The following CDKN2A variants were observed in gnomAD, a reference collection of about 807,000 sequenced individuals.
CDKN2A encodes the protein cyclin-dependent kinase inhibitor 2A.
In CDKN2A, 3 loss-of-function variants were observed where a neutral mutation model predicts 11.1. The observed-to-expected ratio is 0.27, with a 90% CI of 0.12 to 0.70. CDKN2A has a LOEUF of 0.70. Among genes scored for constraint, CDKN2A ranks in the 30% least tolerant of loss-of-function variants. The pLI is 0.77. For missense variants in CDKN2A, 265 were observed against 233.6 expected, an observed-to-expected ratio of 1.13 and a Z score of -0.88; for synonymous variants, 122 against 108.1, an observed-to-expected ratio of 1.13 and a Z score of -0.80.
chr9:21,986,728 C>T (rs1175957867), intron 2 of CDKN2A, among the ~76,000 whole-genome samples: 1 of 151,982 alleles, frequency 6.6e-6, no homozygotes, highest in Non-Finnish European at 1.5e-5. Context: ...AATAACTTTA[C>T]CATGTGATTT....
At chr9:21,969,924 C>T (rs1819622180) in intron 2 of CDKN2A, 2 of 396,678 alleles carry the variant, frequency 5.0e-6, no homozygotes. Flanking sequence ...GCTAACTCTT[C>T]ACCCTGTCCT....
intron 2 of CDKN2A, among the ~76,000 whole-genome samples, chr9:21,969,027 T>G (rs1160683840): frequency 6.6e-6 from 1 of 152,222 alleles, no homozygotes; most frequent in East Asian, 1.9e-4. Context: ...ACTCTTTAGC[T>G]TCTCCTCCTA....
intron 1 of CDKN2A, among the ~76,000 whole-genome samples, chr9:21,973,894 CTCTTTCTT>C (rs950912631): frequency 6.6e-6 from 1 of 152,052 alleles, no homozygotes; most frequent in Non-Finnish European, 1.5e-5. Context: ...CTCTCTTTCT[CTCTTTCTT>C]TCTTTCGACA....
chr9:21,971,457 C>T, intron 1 of CDKN2A: 1 of 1,163,906 alleles, frequency 8.6e-7, no homozygotes, highest in Non-Finnish European at 1.2e-6. Context: ...CACTGTGAGG[C>T]ACGGGCAAAA....
At chr9:21,979,011 T>C (rs1439721207), upstream of CDKN2A, among the ~76,000 whole-genome samples, 1 of 152,158 alleles carries the variant, frequency 6.6e-6, no homozygotes, top group Non-Finnish European at 1.5e-5. Flanking sequence ...AAGCACAGAA[T>C]GATACAAGAA....
chr9:21,974,511 G>T lies in CDKN2A; in HGVS notation c.150+167C>A. On this transcript the variant is annotated intron_variant, in intron 1 of 2. Transcript: ENST00000304494. This position sits in a 1 kb window ranked among gnomAD's most constrained non-coding sequence, Gnocchi z 5.2. ...TTCCTTGGCTTCCCAAGCCCCCAGG[G>T]CGTCGCCAGGAGGAGGTCTGTGATT... 1 of 1,613,132 alleles carries T rather than the reference G, an allele frequency of 6.2e-7. No individual in the cohort carries two copies. The highest frequency in any genetic ancestry group is 8.5e-7 in the Non-Finnish European group (1 of 1,179,908).
At chr9:21,980,499 C>T (rs182584494) in intron 2 of CDKN2A, among the ~76,000 whole-genome samples, 327 of 152,122 alleles carry the variant, frequency 2.1e-3, no homozygotes, top group African/African-American at 7.5e-3. Context: ...CATAATAAAA[C>T]TAGTAGACAA....
At position 21,974,551 on chromosome 9, in the gene CDKN2A, A is replaced by C; in HGVS notation, c.150+127T>G. 6.2e-7 allele frequency: 1 copy of C among 1,613,400 alleles called. No individual in the cohort carries two copies. The highest frequency in any genetic ancestry group is 8.5e-7 in the Non-Finnish European group (1 of 1,179,980). ...GGTCTGTGATTACAAACCCCTTCTG[A>C]AAACTCCCCAGGAAGCCTCCCCTTT... is the stretch of plus-strand genomic sequence containing the variant. On this transcript the variant is annotated intron_variant, in intron 1 of 2. Transcript: ENST00000304494. The surrounding 1 kb of genome is among the most constrained non-coding windows in gnomAD (Gnocchi z 5.2).
chr9:21,981,085 TATAC>T lies in CDKN2A; in HGVS notation c.-3-9881_-3-9878del, dbSNP rs1193983553. Among the ~76,000 whole-genome samples, 2 of 73,560 alleles carry T rather than the reference TATAC, an allele frequency of 2.7e-5. 1 individual carries two copies. The highest frequency in any genetic ancestry group is 5.3e-5 in the Non-Finnish European group (2 of 37,974). The allele number at this position is 73,560 out of a possible 152,430, so 48.3% of individuals were successfully genotyped here. On this transcript the variant is annotated intron_variant, in intron 2 of 3. Coordinates refer to the CDKN2A transcript ENST00000494262. ...ATATATATATACGTGTATATATATA[TATAC>T]GTGTATATATATACGTGTATATATA...
At position 21,991,608 on chromosome 9, in the gene CDKN2A, A is replaced by G. The variant is rs1820431751; in HGVS notation, c.-4+2274T>C. 1 of 973,022 alleles carries G rather than the reference A, an allele frequency of 1.0e-6. No homozygotes were observed. The allele number at this position is 973,022 out of a possible 1,614,324, so 60.3% of individuals were successfully genotyped here. On this transcript the variant is annotated intron_variant, in intron 2 of 3. Coordinates refer to the CDKN2A transcript ENST00000494262. The surrounding 1 kb of genome is among the most constrained non-coding windows in gnomAD (Gnocchi z 5.2). ...ATCACTTTAGTAATAGGAGTTTTTC[A>G]TATGTTGGGAAAATGGTTTAGCTTA...
chr9:21,975,029 G>T, upstream of CDKN2A: 3 of 1,379,150 alleles, frequency 2.2e-6, no homozygotes, highest in Non-Finnish European at 2.8e-6. Flanking sequence ...GTGAGCGAGT[G>T]CTCGGAGGAG....
intron 2 of CDKN2A, among the ~76,000 whole-genome samples, chr9:21,990,537 A>G (rs1438664901): frequency 1.3e-5 from 2 of 151,436 alleles, no homozygotes; most frequent in Non-Finnish European, 2.9e-5. Context: ...TCAAAAGTGA[A>G]ACGAAGAAAA....
At chr9:21,992,096 TATAAAA>T (rs1820442958) in intron 2 of CDKN2A, 1 of 866,412 alleles carries the variant, frequency 1.2e-6, no homozygotes, top group African/African-American at 1.8e-5. Flanking sequence ...TTTCCAATCA[TATAAAA>T]ATAAAAAGTC....
chr9:21,974,320 G>A lies in CDKN2A; in HGVS notation c.150+358C>T. 8.7e-7 allele frequency: 1 copy of A among 1,148,054 alleles called. No homozygotes were observed. Among genetic ancestry groups the A allele is most frequent in the East Asian group, 3.2e-5 (1 of 30,932 alleles). 71.1% of individuals were successfully genotyped at this position (1,148,054 alleles called of 1,614,324 possible). On this transcript the variant is annotated intron_variant, in intron 1 of 2. Coordinates refer to ENST00000304494, the MANE Select transcript of CDKN2A (RefSeq NM_000077.5). The surrounding 1 kb of genome is among the most constrained non-coding windows in gnomAD (Gnocchi z 5.2). Reference sequence around the variant, plus strand: ...CAGGTATCTGTGAATTGGAGGCTAAGTAGTCCCAGCACATCTTACATTTCT... The same window carrying A: ...CAGGTATCTGTGAATTGGAGGCTAAATAGTCCCAGCACATCTTACATTTCT...
At chr9:21,987,513 G>A (rs570353551) in intron 2 of CDKN2A, among the ~76,000 whole-genome samples, 3 of 150,776 alleles carry the variant, frequency 2.0e-5, no homozygotes, top group Non-Finnish European at 2.9e-5. Flanking sequence ...AAAAGACAAC[G>A]TATCTTATAT....
In CDKN2A at chr9:21,991,713, G is replaced by A; in HGVS notation, c.-4+2169C>T. 1 of 983,014 alleles carries A rather than the reference G, an allele frequency of 1.0e-6. No homozygotes were observed. The highest frequency in any genetic ancestry group is 1.1e-4 in the East Asian group (1 of 8,788). The allele number at this position is 983,014 out of a possible 1,614,324, so 60.9% of individuals were successfully genotyped here. Reference sequence around the variant, plus strand: ...ACCATCATAGACGGTAATAGGCTATGTTGTTGCTACCTTAGGATCATAATG... The same window carrying A: ...ACCATCATAGACGGTAATAGGCTATATTGTTGCTACCTTAGGATCATAATG... On this transcript the variant is annotated intron_variant, in intron 2 of 3. Transcript: ENST00000494262. The surrounding 1 kb of genome is among the most constrained non-coding windows in gnomAD (Gnocchi z 5.2).
rs2131092754 is a variant in CDKN2A at position 21,970,981 on chromosome 9, G to C, written c.378C>G (p.Val126=). 1 of 1,610,838 alleles carries C rather than the reference G, an allele frequency of 6.2e-7. No homozygotes were observed. Among genetic ancestry groups the C allele is most frequent in the Non-Finnish European group, 8.5e-7 (1 of 1,180,012 alleles). ...DLAEELGHRD[V]ARYLRAAAGG... ...CCGCAGCCGCGCGCAGGTACCGTGC[G>C]ACATCGCGATGGCCCAGCTCCTCAG... The change falls in exon 2 of 3, where the codon GTC becomes GTG. Residue 126 remains valine, a synonymous_variant. Coordinates refer to ENST00000304494, the MANE Select transcript of CDKN2A (RefSeq NM_000077.5).
chr9:21,987,432 CAGAGAG>C (rs57973132), intron 2 of CDKN2A, among the ~76,000 whole-genome samples: 2,631 of 138,156 alleles, frequency 0.019, 43 homozygotes, highest in African/African-American at 0.033. Flanking sequence ...CACACACACA[CAGAGAG>C]AGAGAGAGAG....
At position 21,974,441 on chromosome 9, in the gene CDKN2A, T is replaced by C. The variant is rs2131108911; in HGVS notation, c.150+237A>G. ...CAAATATGTTCCCCCCTTCAGATCT[T>C]CTCAGCATTCGAGAGATCTGTACGC... On this transcript the variant is annotated intron_variant, in intron 1 of 2. Coordinates refer to ENST00000304494, the MANE Select transcript of CDKN2A (RefSeq NM_000077.5). The surrounding 1 kb of genome is among the most constrained non-coding windows in gnomAD (Gnocchi z 5.2). 6.2e-7 allele frequency: 1 copy of C among 1,610,772 alleles called. No individual in the cohort carries two copies. The highest frequency in any genetic ancestry group is 1.7e-4 in the Middle Eastern group (1 of 6,042).
Sources: gnomAD v4.1 joint callset for allele counts (sites outside exome capture counted in the v4.1 genomes callset) on GRCh38, gnomAD v4.1.1 for gene constraint, Gnocchi (gnomAD v3.1) non-coding constraint, MANE v1.5 for transcripts, NCBI Gene and HGNC (gene_info 2026-07-23, HGNC 2026-07-21) for gene names.